KHSRP: variants seen among roughly 807,000 people sequenced by gnomAD.
The protein encoded by KHSRP is KH-type splicing regulatory protein.
A neutral mutation model predicts 94.9 loss-of-function variants in KHSRP; 13 were observed. The observed-to-expected ratio is 0.14, with a 90% CI of 0.09 to 0.22. KHSRP has a LOEUF of 0.22. Among genes scored for constraint, KHSRP ranks in the 10% least tolerant of loss-of-function variants. KHSRP has a pLI of 1.00. For missense variants in KHSRP, 710 were observed against 1,010.0 expected (o/e 0.70, Z 4.03); for synonymous variants, 495 against 401.4 (o/e 1.23, Z -2.79).
rs185678240 is a variant in KHSRP, at chr19:6,417,077, T to G, written c.1092A>C (p.Thr364=). The change falls in exon 12 of 19, where the codon ACA becomes ACC. Residue 364 remains threonine (T), a synonymous_variant. Coordinates refer to ENST00000600480, the MANE Select transcript of KHSRP (RefSeq NM_001366299.1). ...VRIQFKQDDG[T]GPEKIAHIMG... The stretch of plus-strand genomic sequence containing the variant: ...TTATATGAGCAATCTTCTCGGGCCC[T>G]GTCCCGTCATCTGAGGCCAGCACCG... 4.3e-6 allele frequency: 7 copies of G among 1,610,702 alleles called. No individual in the cohort carries two copies. In the East Asian group the frequency reaches 1.6e-4, roughly 36 times the overall value.
chr19:6,419,129 C>T, intron 7 of KHSRP, 74 bp downstream of exon 7: 5 of 1,446,844 alleles, frequency 3.5e-6, no homozygotes, highest in Non-Finnish European at 4.7e-6. Context: ...TTGCTCCCAA[C>T]TTTCAATTCA....
chr19:6,414,784 G>A lies in KHSRP; in HGVS notation c.*240C>T. 2 of 1,144,532 alleles carry A rather than the reference G, an allele frequency of 1.7e-6. No individual in the cohort carries two copies. The highest frequency in any genetic ancestry group is 1.1e-6 in the Non-Finnish European group (1 of 931,436). The allele number at this position is 1,144,532 out of a possible 1,614,324, so 70.9% of individuals were successfully genotyped here. A position where few individuals can be genotyped will look rare whatever the true frequency, so the allele number is the denominator to read the frequency against. ...CCCAAGTGGCCAGATTGTGAGCGAG[G>A]TGGTGGCGGCCGGGCCGGTGCCCAC... On this transcript the variant is annotated 3_prime_UTR_variant, in exon 19 of 19. Transcript: ENST00000600480.
chr19:6,419,598 A>ACC (rs755982671), intron 6 of KHSRP, among the ~76,000 whole-genome samples: 11 of 152,036 alleles, frequency 7.2e-5, no homozygotes, highest in Non-Finnish European at 1.5e-4. Flanking sequence ...AAGCCTCAGA[A>ACC]CCCCCTACCC....
At position 6,417,002 on chromosome 19, in the gene KHSRP, G is replaced by A. The variant is rs1337434421; in HGVS notation, c.1167C>T (p.Leu389=). 1.2e-6 allele frequency: 2 copies of A among 1,613,746 alleles called. No homozygotes were observed. Among genetic ancestry groups the A allele is most frequent in the Non-Finnish European group, 8.5e-7 (1 of 1,179,858 alleles). Residue 389 remains leucine (L), a synonymous_variant, in exon 12 of 19, where the codon CTC becomes CTT. Coordinates refer to ENST00000600480, the MANE Select transcript of KHSRP (RefSeq NM_001366299.1). ...CEHAARIIND[L]LQSLRSGPPG... ...GGCCACCTACCCTGAGGCTCTGGAG[G>A]AGGTCGTTGATGATCCGGGCTGCGT...
At chr19:6,419,419 C>T (rs2092181254) in intron 6 of KHSRP, among the ~76,000 whole-genome samples, 159 bp from the exon 7 acceptor site, 2 of 152,182 alleles carry the variant, frequency 1.3e-5, no homozygotes, top group East Asian at 1.9e-4. Context: ...GGAGGCTGCT[C>T]GATGCAAGGC....
At chr19:6,417,158 G>A (rs1276754988) in intron 11 of KHSRP, 71 bp from the exon 12 acceptor site, 12 of 1,205,664 alleles carry the variant, frequency 1.0e-5, no homozygotes, top group African/African-American at 6.1e-5. Flanking sequence ...CTGCAACGCC[G>A]CCTCCAGCGC....
Position 6,415,678 on chromosome 19 carries a change from G to T in KHSRP, c.1744C>A (p.His582Asn). Reference sequence around the variant, plus strand: ...GGGCCCGGGGGCTGCTGGTAGTAGTGTGAGTAGTAGGCGGCCCACGCGGCG... The same window carrying T: ...GGGCCCGGGGGCTGCTGGTAGTAGTTTGAGTAGTAGGCGGCCCACGCGGCG... ...PNAAWAAYYS[H>N]YYQQPPGPVP... Residue 582 changes from histidine to asparagine, a missense_variant, in exon 17 of 19, where the codon CAC (histidine) becomes AAC (asparagine). Around this residue, in one of 5 missense-constraint regions of KHSRP, gnomAD observed 292 missense variants for 340.5 expected, o/e 0.86. Transcript: ENST00000600480. The T allele has an allele frequency of 6.5e-7, 1 of 1,546,876 alleles. No homozygotes were observed. Among genetic ancestry groups the T allele is most frequent in the Non-Finnish European group, 8.7e-7 (1 of 1,146,554 alleles).
Position 6,418,123 on chromosome 19 carries a change from C to T in KHSRP, c.880-44G>A, listed in dbSNP as rs370124338. On this transcript the variant is annotated intron_variant, in intron 9 of 18. Transcript: ENST00000600480. This position sits in a 1 kb window ranked among gnomAD's most constrained non-coding sequence, Gnocchi z 4.3. Reference sequence around the variant, plus strand: ...CAGCCCCCATGGGTGAGCCCTGCTGCCCCACACCCCCCCACCTCCTCGGGG... The same window carrying T: ...CAGCCCCCATGGGTGAGCCCTGCTGTCCCACACCCCCCCACCTCCTCGGGG... 161 of 1,533,872 alleles carry T rather than the reference C, an allele frequency of 1.0e-4. No homozygotes were observed. Among genetic ancestry groups the T allele is most frequent in the Admixed American group, 1.5e-4 (9 of 58,800 alleles).
In KHSRP at chr19:6,415,105, G is replaced by A; in HGVS notation, c.2163C>T (p.Phe721=). 1.3e-6 allele frequency: 2 copies of A among 1,596,184 alleles called. No homozygotes were observed. Among genetic ancestry groups the A allele is most frequent in the Non-Finnish European group, 8.5e-7 (1 of 1,178,092 alleles). Residue 721 remains phenylalanine, a synonymous_variant, in exon 19 of 19, where the codon TTC becomes TTT. Transcript: ENST00000600480. ...SGNCHPPPPP[F]SFQPPATVHP... ...GGACGGTGGCCGGGGGTTGGAAGGA[G>A]AAAGGAGGAGGAGGAGGGTGGCAAT...
chr19:6,420,593 C>T, intron 4 of KHSRP, 122 bp from the exon 5 acceptor site: 1 of 857,574 alleles, frequency 1.2e-6, no homozygotes, highest in Non-Finnish European at 1.9e-6. Context: ...ACACAGGCCA[C>T]AAAACTGCCA....
At chr19:6,417,504 G>C (rs541274068) in intron 11 of KHSRP, among the ~76,000 whole-genome samples, 1 of 152,204 alleles carries the variant, frequency 6.6e-6, no homozygotes, top group Non-Finnish European at 1.5e-5. Context: ...CATCGTAGGG[G>C]GAGGAAGAGG....
rs1023308858 is a variant in KHSRP, at chr19:6,414,610, G to A, written c.*414C>T. Reference sequence around the variant, plus strand: ...GGCAGGGGCCTGGGCCGCTCCCCGCGTCCCCACCAGTCCCTGCCAGAGCCA... The same window carrying A: ...GGCAGGGGCCTGGGCCGCTCCCCGCATCCCCACCAGTCCCTGCCAGAGCCA... On this transcript the variant is annotated 3_prime_UTR_variant, in exon 19 of 19. Coordinates refer to ENST00000600480, the MANE Select transcript of KHSRP (RefSeq NM_001366299.1). 28 of 1,009,264 alleles carry A rather than the reference G, an allele frequency of 2.8e-5. No homozygotes were observed. The highest frequency in any genetic ancestry group is 1.8e-4 in the South Asian group (4 of 22,450). The allele number at this position is 1,009,264 out of a possible 1,614,324, so 62.5% of individuals were successfully genotyped here.
In KHSRP at chr19:6,418,504, A is replaced by G; in HGVS notation, c.858T>C (p.Ile286=). ...TCACCTGCACTTTGTAAGGATCCCC[A>G]ATGATGCGGAGAGGTTTGTCCACAT... ...NTNVDKPLRI[I]GDPYKVQQAC... is the part of the protein sequence containing the mutation. The change falls in exon 9 of 19, where the codon ATT becomes ATC. Residue 286 remains isoleucine, a synonymous_variant. Transcript: ENST00000600480. The surrounding 1 kb of genome is among the most constrained non-coding windows in gnomAD (Gnocchi z 4.3). 6.2e-7 allele frequency: 1 copy of G among 1,613,808 alleles called. No individual in the cohort carries two copies. Among genetic ancestry groups the G allele is most frequent in the Non-Finnish European group, 8.5e-7 (1 of 1,179,774 alleles).
intron 1 of KHSRP, among the ~76,000 whole-genome samples, chr19:6,423,703 C>T (rs989143084): frequency 6.6e-6 from 1 of 152,232 alleles, no homozygotes; most frequent in Non-Finnish European, 1.5e-5. Context: ...TTGGGACAGC[C>T]CAGGAGCCGG....
At chr19:6,422,796 T>G (rs748101299) in intron 1 of KHSRP, among the ~76,000 whole-genome samples, 2 of 152,126 alleles carry the variant, frequency 1.3e-5, no homozygotes, top group African/African-American at 2.4e-5. Context: ...AGACACTTCC[T>G]CCTGCCAGTG....
At position 6,416,795 on chromosome 19, in the gene KHSRP, C is replaced by T; in HGVS notation, c.1270G>A (p.Gly424Ser). 1 of 1,586,504 alleles carries T rather than the reference C, an allele frequency of 6.3e-7. No homozygotes were observed. Among genetic ancestry groups the T allele is most frequent in the Non-Finnish European group, 8.6e-7 (1 of 1,166,352 alleles). ...GRGQGNWGPP[G>S]GEMTFSIPTH... is the part of the protein sequence containing the mutation. ...GGGATGGAGAAGGTCATCTCCCCGC[C>T]AGGGGGACCCCAATTGCCTTGGCCT... The change falls in exon 13 of 19, where the codon GGC (glycine) becomes AGC (serine). Residue 424 changes from glycine (G) to serine (S), a missense_variant. Physicochemically the swap from Gly to Ser is moderately conservative, Grantham distance 56. Transcript: ENST00000600480.
Position 6,424,653 on chromosome 19 carries a change from C to T in KHSRP, c.49G>A (p.Ala17Thr), listed in dbSNP as rs867005312. Residue 17 changes from alanine to threonine, a missense_variant, in exon 1 of 19, where the codon GCC becomes ACC. Transcript: ENST00000600480. ...GGPPPGPPPP[A>T]GGGGGAGGAG... ...CCTCCGGCTCCCCCGCCCCCGCCGG[C>T]GGGCGGCGGCGGCCCGGGCGGGGGT... 2,001 of 1,018,008 alleles carry T rather than the reference C, an allele frequency of 2.0e-3. 29 individuals are homozygous for T. The African/African-American group carries it at 0.033, about 17-fold the overall frequency. The allele number at this position is 1,018,008 out of a possible 1,614,324, so 63.1% of individuals were successfully genotyped here. A position where few individuals can be genotyped will look rare whatever the true frequency, so the allele number is the denominator to read the frequency against.
Position 6,416,640 on chromosome 19 carries a change from A to G in KHSRP, c.1338T>C (p.Asn446=). The G allele has an allele frequency of 6.2e-7, 1 of 1,613,856 alleles. No homozygotes were observed. Among genetic ancestry groups the G allele is most frequent in the Non-Finnish European group, 8.5e-7 (1 of 1,179,800 alleles). The change falls in exon 14 of 19, where the codon AAT becomes AAC. Residue 446 remains asparagine (N), a synonymous_variant. Transcript: ENST00000600480. ...CCGTCTGCTGGTTTATGGCTTTCAC[A>G]TTCTCGCCACCTGCAGAAACGCAGA... is the stretch of plus-strand genomic sequence containing the variant. ...CGLVIGRGGE[N]VKAINQQTGA...
Position 6,420,483 on chromosome 19 carries a change from C to T in KHSRP, c.426-12G>A, listed in dbSNP as rs1403080578. ...CTGTCATTGAAGTCCTGTAAAGAGACACGCCAAAGGTCAGTCCTCAAGTGG... is the reference window on the plus strand; with the variant it reads ...CTGTCATTGAAGTCCTGTAAAGAGATACGCCAAAGGTCAGTCCTCAAGTGG... On this transcript the variant is annotated splice_polypyrimidine_tract_variant and intron_variant, in intron 4 of 18. Coordinates refer to ENST00000600480, the MANE Select transcript of KHSRP (RefSeq NM_001366299.1). 6.2e-7 allele frequency: 1 copy of T among 1,613,658 alleles called. No individual in the cohort carries two copies. The highest frequency in any genetic ancestry group is 1.3e-5 in the African/African-American group (1 of 74,938).
Sources: gnomAD v4.1 joint callset for allele counts (sites outside exome capture counted in the v4.1 genomes callset) on GRCh38, gnomAD v4.1.1 for gene constraint, gnomAD v4.1.1 regional missense constraint, Gnocchi (gnomAD v3.1) non-coding constraint, MANE v1.5 for transcripts, NCBI Gene and HGNC (gene_info 2026-07-23, HGNC 2026-07-21) for gene names.